Variants in HTR3E observed in about 807,000 individuals in gnomAD.
The protein encoded by HTR3E is 5-hydroxytryptamine receptor 3E, also known as 5-hydroxytryptamine (serotonin) receptor 3, family member E.
A neutral mutation model predicts 38.0 loss-of-function variants in HTR3E; 38 were observed. That is an observed-to-expected ratio of 1.00 (90% CI 0.77 to 1.31). The LOEUF is 1.31. Among genes scored for constraint, HTR3E ranks in the 50% most tolerant of loss-of-function variants. The pLI, the probability that HTR3E is intolerant of heterozygous loss-of-function variation, is 0.00. For synonymous variants in HTR3E, 210 were observed against 232.9 expected (o/e 0.90, Z 0.89); for missense variants, 547 against 585.2 (o/e 0.93, Z 0.67).
Position 184,100,579 on chromosome 3 carries a change from C to G in HTR3E, c.162C>G (p.Phe54Leu). 6.2e-7 allele frequency: 1 copy of G among 1,614,186 alleles called. No homozygotes were observed. Among genetic ancestry groups the G allele is most frequent in the Non-Finnish European group, 8.5e-7 (1 of 1,180,042 alleles). ...ALNSVFNRKP[F>L]RPVTNISVPT... ...ATTCAGTGTTTAATAGAAAGCCCTT[C>G]CGTCCGGTCACCAACATCAGCGTCC... Residue 54 changes from phenylalanine (F) to leucine (L), a missense_variant, in exon 2 of 9, where the codon TTC becomes TTG. Phe to Leu is a conservative substitution (Grantham distance 22, BLOSUM62 0). Coordinates refer to ENST00000415389, the MANE Select transcript of HTR3E (RefSeq NM_001256613.2).
chr3:184,105,482 G>A, intron 6 of HTR3E, 55 bp downstream of exon 6: 2 of 1,538,196 alleles, frequency 1.3e-6, no homozygotes, highest in Non-Finnish European at 1.8e-6. Flanking sequence ...CCCTTGCCTA[G>A]AATGTCCATC....
Position 184,106,028 on chromosome 3 carries a change from A to G in HTR3E, c.925+59A>G. On this transcript the variant is annotated intron_variant, in intron 7 of 8. Transcript: ENST00000415389. This position sits in a 1 kb window ranked among gnomAD's most constrained non-coding sequence, Gnocchi z 4.1. Reference sequence around the variant, plus strand: ...TGGGAACTAACTCAGGAAGGGAGGTATTTTGGAAAAAGGAGGCCGTATGCC... The same window carrying G: ...TGGGAACTAACTCAGGAAGGGAGGTGTTTTGGAAAAAGGAGGCCGTATGCC... 1 of 1,611,078 alleles carries G rather than the reference A, an allele frequency of 6.2e-7. No homozygotes were observed. The highest frequency in any genetic ancestry group is 8.5e-7 in the Non-Finnish European group (1 of 1,177,408).
At chr3:184,100,197 C>T in intron 1 of HTR3E, 1 of 1,414,950 alleles carries the variant, frequency 7.1e-7, no homozygotes, top group Non-Finnish European at 9.2e-7. Flanking sequence ...CCGGCTTCTG[C>T]CTTTTATTGG....
intron 1 of HTR3E, chr3:184,100,043 A>G: frequency 9.8e-7 from 1 of 1,016,612 alleles, no homozygotes; most frequent in Non-Finnish European, 1.2e-6. Context: ...CAGAATTTGC[A>G]TTCCAGCTCA....
At chr3:184,104,082 T>C in intron 3 of HTR3E, 100 bp from the exon 4 acceptor site, 1 of 744,802 alleles carries the variant, frequency 1.3e-6, no homozygotes, top group Non-Finnish European at 2.0e-6. Context: ...GTCACAGCAT[T>C]TTATATATTT....
intron 6 of HTR3E, 99 bp downstream of exon 6, chr3:184,105,526 A>G (rs1712372919): frequency 3.0e-6 from 4 of 1,334,112 alleles, no homozygotes; most frequent in Non-Finnish European, 2.0e-6. Flanking sequence ...GGGTCTCCCA[A>G]TGTTACCCTC....
chr3:184,105,121 C>G, intron 5 of HTR3E, 146 bp from the exon 6 acceptor site: 1 of 1,165,898 alleles, frequency 8.6e-7, no homozygotes, highest in South Asian at 1.6e-5. Context: ...TGTCTTGTTC[C>G]TTACCATCCC....
Position 184,106,168 on chromosome 3 carries a change from C to T in HTR3E, c.966C>T (p.Ser322=). 2.5e-6 allele frequency: 4 copies of T among 1,612,956 alleles called. No individual in the cohort carries two copies. The South Asian group carries it at 4.4e-5, about 18-fold the overall frequency. ...TGTGCCTGTCCCTGATGGTGGGCAGCCTGCTGGAGACCATCTTCATCACCC... is the reference window on the plus strand; with the variant it reads ...TGTGCCTGTCCCTGATGGTGGGCAGTCTGCTGGAGACCATCTTCATCACCC... The part of the protein sequence containing the change: ...FALCLSLMVG[S]LLETIFITHL... Residue 322 remains serine, a synonymous_variant, in exon 8 of 9, where the codon AGC becomes AGT. Transcript: ENST00000415389. This position sits in a 1 kb window ranked among gnomAD's most constrained non-coding sequence, Gnocchi z 4.1.
chr3:184,098,491 G>A (rs1010260081), intron 1 of HTR3E, among the ~76,000 whole-genome samples: 1 of 152,182 alleles, frequency 6.6e-6, no homozygotes, highest in African/African-American at 2.4e-5. Context: ...GCACAGGGAA[G>A]AGACACAAAT....
Position 184,106,075 on chromosome 3 carries a change from G to A in HTR3E, c.926-53G>A. On this transcript the variant is annotated intron_variant, in intron 7 of 8. Transcript: ENST00000415389. This position sits in a 1 kb window ranked among gnomAD's most constrained non-coding sequence, Gnocchi z 4.1. ...TGCCTGCCAGGGTGGGATTGGAAGA[G>A]AAGAAATTCTAGGTGGTGCCTCTGG... The A allele has an allele frequency of 6.2e-7, 1 of 1,611,274 alleles. No homozygotes were observed. The highest frequency in any genetic ancestry group is 8.5e-7 in the Non-Finnish European group (1 of 1,177,836).
chr3:184,099,082 T>C (rs1466524630), intron 1 of HTR3E, among the ~76,000 whole-genome samples: 1 of 150,190 alleles, frequency 6.7e-6, no homozygotes, highest in African/African-American at 2.5e-5. Flanking sequence ...TAAAAAAAAA[T>C]CCCACCCACA....
intron 3 of HTR3E, among the ~76,000 whole-genome samples, 178 bp from the exon 4 acceptor site, chr3:184,104,003 GA>G (rs926947619): frequency 6.6e-6 from 1 of 150,984 alleles, no homozygotes; most frequent in African/African-American, 2.4e-5. Context: ...CTCATTTCTT[GA>G]AAAAAAAGCA....
intron 6 of HTR3E, 146 bp from the exon 7 acceptor site, chr3:184,105,619 T>G: frequency 1.1e-6 from 1 of 919,230 alleles, no homozygotes; most frequent in East Asian, 2.6e-5. Flanking sequence ...TATACCAGAT[T>G]CTAAAGCTGC....
rs534072183 is a variant in HTR3E, at chr3:184,104,382, T to C, written c.389+91T>C. On this transcript the variant is annotated intron_variant, in intron 4 of 8. Coordinates refer to ENST00000415389, the MANE Select transcript of HTR3E (RefSeq NM_001256613.2). ...CATTGGGGCCACTGTAAGTGGTCTTTAGATGGCTAAGAAACAACCAGAGAG... is the reference window on the plus strand; with the variant it reads ...CATTGGGGCCACTGTAAGTGGTCTTCAGATGGCTAAGAAACAACCAGAGAG... The C allele has an allele frequency of 5.1e-5, 78 of 1,525,082 alleles. No homozygotes were observed. The East Asian group carries it at 1.8e-3, about 35-fold the overall frequency. The allele number at this position is 1,525,082 out of a possible 1,614,324, so 94.5% of individuals were successfully genotyped here.
chr3:184,104,083 T>TA (rs1712250710), intron 3 of HTR3E, 99 bp from the exon 4 acceptor site: 1 of 749,336 alleles, frequency 1.3e-6, no homozygotes, highest in African/African-American at 1.8e-5. Flanking sequence ...TCACAGCATT[T>TA]TATATATTTT....
At chr3:184,100,430 T>C (rs1560093577) in intron 1 of HTR3E, 55 bp from the exon 2 acceptor site, 2 of 1,612,944 alleles carry the variant, frequency 1.2e-6, no homozygotes. Flanking sequence ...GCCCCTCTCA[T>C]ATAGGGAGCA....
chr3:184,101,354 A>G (rs1175920122), intron 2 of HTR3E, 131 bp from the exon 3 acceptor site: 2 of 810,410 alleles, frequency 2.5e-6, no homozygotes, highest in Non-Finnish European at 4.4e-6. Context: ...ATGGGTTTGG[A>G]TAGAGCTTTT....
intron 3 of HTR3E, among the ~76,000 whole-genome samples, chr3:184,102,840 G>A (rs986791690): frequency 6.6e-6 from 1 of 151,620 alleles, no homozygotes; most frequent in East Asian, 2.0e-4. Flanking sequence ...CACAAGAATC[G>A]CTTGAGCCAG....
At chr3:184,104,463 T>C (rs1712280695) in intron 4 of HTR3E, 172 bp downstream of exon 4, 1 of 1,054,530 alleles carries the variant, frequency 9.5e-7, no homozygotes, top group Non-Finnish European at 1.3e-6. Context: ...CCCAGCACTT[T>C]GGGAGGCCAA....
Sources: allele counts gnomAD v4.1 joint callset (sites outside exome capture counted in the v4.1 genomes callset), GRCh38; gene constraint gnomAD v4.1.1; non-coding constraint Gnocchi (gnomAD v3.1); transcripts MANE v1.5; gene names NCBI Gene and HGNC (gene_info 2026-07-23, HGNC 2026-07-21).